SLC9C1: variants seen among roughly 807,000 people sequenced by gnomAD.
The protein encoded by SLC9C1 is sodium/hydrogen exchanger 10.
In SLC9C1, 97 loss-of-function variants were observed where a neutral mutation model predicts 140.9. The observed-to-expected ratio is 0.69, with a 90% CI of 0.58 to 0.82. SLC9C1 has a LOEUF of 0.82. SLC9C1 is among the 40% of genes least tolerant of loss of function. The pLI is 0.00. For synonymous variants in SLC9C1, 440 were observed against 442.6 expected, an observed-to-expected ratio of 0.99 and a Z score of 0.07; for missense variants, 1,340 against 1,389.3, an observed-to-expected ratio of 0.96 and a Z score of 0.56.
intron 9 of SLC9C1, among the ~76,000 whole-genome samples, chr3:112,263,753 C>T (rs2079840713): frequency 6.6e-6 from 1 of 151,688 alleles, no homozygotes; most frequent in Admixed American, 6.6e-5. Context: ...CAGACTTTTT[C>T]TACCTCTTAA....
chr3:112,185,678 G>A, intron 20 of SLC9C1: 1 of 1,551,648 alleles, frequency 6.4e-7, no homozygotes. Context: ...GGGTGCTCCG[G>A]AGGCGTGCAC....
At chr3:112,279,831 A>G (rs956851131) in intron 3 of SLC9C1, among the ~76,000 whole-genome samples, 9 of 152,208 alleles carry the variant, frequency 5.9e-5, no homozygotes, top group African/African-American at 1.9e-4. Flanking sequence ...GTGGATAATA[A>G]AACCCTTTTT....
At chr3:112,185,810 G>T (rs2077525861) in intron 20 of SLC9C1, 1 of 1,570,754 alleles carries the variant, frequency 6.4e-7, no homozygotes, top group Non-Finnish European at 8.6e-7. Context: ...GACGCTGGTA[G>T]CGCAGGGGAG....
intron 23 of SLC9C1, among the ~76,000 whole-genome samples, chr3:112,174,591 T>G (rs979241452): frequency 6.6e-6 from 1 of 152,190 alleles, no homozygotes; most frequent in African/African-American, 2.4e-5. Context: ...ATGGAGCAAC[T>G]GTTCTACTTT....
intron 25 of SLC9C1, among the ~76,000 whole-genome samples, chr3:112,167,848 T>C (rs2107914359): frequency 6.6e-6 from 1 of 152,274 alleles, no homozygotes; most frequent in East Asian, 1.9e-4. Context: ...GGCTCCTGCT[T>C]GGCTGTCTAA....
chr3:112,285,932 A>G (rs1417416124), intron 2 of SLC9C1, among the ~76,000 whole-genome samples: 1 of 151,938 alleles, frequency 6.6e-6, no homozygotes, highest in African/African-American at 2.4e-5. Flanking sequence ...TGTGCAGCCA[A>G]TTTTTGGTTG....
At position 112,240,951 on chromosome 3, in the gene SLC9C1, T is replaced by C. The variant is rs139093412; in HGVS notation, c.1280-945A>G. On this transcript the variant is annotated intron_variant, in intron 11 of 28. Coordinates refer to ENST00000305815, the MANE Select transcript of SLC9C1 (RefSeq NM_183061.3). ...CAATTTAACTCATGGACATAGAGGGTAGAATGATGGTTAACAGAGACTGAG... is the reference window on the plus strand; with the variant it reads ...CAATTTAACTCATGGACATAGAGGGCAGAATGATGGTTAACAGAGACTGAG... Among the ~76,000 whole-genome samples, 3 of 148,794 alleles carry C rather than the reference T, an allele frequency of 2.0e-5. No homozygotes were observed. The East Asian group carries it at 5.9e-4, about 29-fold the overall frequency.
chr3:112,149,223 A>T (rs1179436997), intron 28 of SLC9C1, among the ~76,000 whole-genome samples: 1 of 151,806 alleles, frequency 6.6e-6, no homozygotes, highest in Non-Finnish European at 1.5e-5. Context: ...ATGCCTGGAG[A>T]TCTGCCTGGT....
At chr3:112,215,685 A>G (rs1017136183) in intron 15 of SLC9C1, among the ~76,000 whole-genome samples, 2 of 152,188 alleles carry the variant, frequency 1.3e-5, no homozygotes, top group African/African-American at 4.8e-5. Context: ...ACTACAAACC[A>G]CTGCTCAACA....
chr3:112,234,292 G>C (rs1276866148), intron 12 of SLC9C1, among the ~76,000 whole-genome samples: 2 of 152,196 alleles, frequency 1.3e-5, no homozygotes, highest in African/African-American at 4.8e-5. Context: ...TTTGAGAAGT[G>C]TCTGTTCATA....
At chr3:112,200,070 A>T (rs957808793) in intron 19 of SLC9C1, among the ~76,000 whole-genome samples, 1 of 152,050 alleles carries the variant, frequency 6.6e-6, no homozygotes, top group African/African-American at 2.4e-5. Context: ...AGATCTCTCA[A>T]ATGACCTCAT....
At chr3:112,212,283 C>A (rs534460149) in intron 15 of SLC9C1, among the ~76,000 whole-genome samples, 1 of 152,260 alleles carries the variant, frequency 6.6e-6, no homozygotes, top group African/African-American at 2.4e-5. Context: ...GCTGAAAATT[C>A]CAAAAATCAG....
chr3:112,261,853 TG>T (rs1475225223), intron 10 of SLC9C1, among the ~76,000 whole-genome samples: 1 of 152,102 alleles, frequency 6.6e-6, no homozygotes, highest in Admixed American at 6.6e-5. Flanking sequence ...TGTGCTAGGC[TG>T]GCTCTTACTA....
chr3:112,209,582 A>G (rs557699155), intron 15 of SLC9C1, among the ~76,000 whole-genome samples: 2 of 152,222 alleles, frequency 1.3e-5, no homozygotes, highest in African/African-American at 4.8e-5. Flanking sequence ...ACATAATCCT[A>G]TATATTGAAA....
intron 26 of SLC9C1, 97 bp from the exon 27 acceptor site, chr3:112,155,146 A>C: frequency 9.7e-7 from 1 of 1,026,704 alleles, no homozygotes; most frequent in Non-Finnish European, 1.4e-6. Context: ...TTCAAATCAC[A>C]CTCAGGACCT....
chr3:112,207,132 G>A (rs1037975060), intron 16 of SLC9C1, among the ~76,000 whole-genome samples: 1 of 152,130 alleles, frequency 6.6e-6, no homozygotes, highest in Admixed American at 6.5e-5. Flanking sequence ...CTACTATTTT[G>A]TGATAGTTGA....
chr3:112,278,002 C>A, intron 4 of SLC9C1, 142 bp from the exon 5 acceptor site: 1 of 557,064 alleles, frequency 1.8e-6, no homozygotes, highest in Non-Finnish European at 3.0e-6. Flanking sequence ...GGCCATCTAG[C>A]TCACGCTGCT....
chr3:112,157,123 C>CT (rs950543087), intron 26 of SLC9C1, among the ~76,000 whole-genome samples: 89 of 151,086 alleles, frequency 5.9e-4, no homozygotes, highest in African/African-American at 1.8e-3. Context: ...ATTTTCCCAA[C>CT]TTTTTTTTTG....
At chr3:112,161,798 T>A (rs959024256) in intron 26 of SLC9C1, among the ~76,000 whole-genome samples, 15 of 151,648 alleles carry the variant, frequency 9.9e-5, no homozygotes, top group Non-Finnish European at 2.2e-4. Context: ...TTTTTCCAAT[T>A]CTGTGAAGAA....
Sources: gnomAD v4.1 joint callset for allele counts (sites outside exome capture counted in the v4.1 genomes callset) on GRCh38, gnomAD v4.1.1 for gene constraint, MANE v1.5 for transcripts, NCBI Gene and HGNC (gene_info 2026-07-23, HGNC 2026-07-21) for gene names.